NBN: variants seen among roughly 807,000 people sequenced by gnomAD.
The protein encoded by NBN is nibrin.
NBN carries 88 observed loss-of-function variants against 90.8 expected under a neutral mutation model. The ratio of observed to expected loss-of-function variants is 0.97; its 90% CI spans 0.82 to 1.16. The LOEUF is 1.16. NBN is among the 50% of genes most tolerant of loss of function. NBN has a pLI of 0.00. For missense variants in NBN, 894 were observed against 869.6 expected (o/e 1.03, Z -0.35); for synonymous variants, 328 against 295.1 (o/e 1.11, Z -1.14).
Position 89,970,456 on chromosome 8 carries a change from C to A in NBN, c.804G>T (p.Thr268=), listed in dbSNP as rs141443872. 2 of 1,613,884 alleles carry A rather than the reference C, an allele frequency of 1.2e-6. No homozygotes were observed. Among genetic ancestry groups the A allele is most frequent in the Non-Finnish European group, 1.7e-6 (2 of 1,179,924 alleles). The change falls in exon 7 of 16, where the codon ACG becomes ACT. Residue 268 remains threonine, a synonymous_variant. Coordinates refer to ENST00000265433, the MANE Select transcript of NBN (RefSeq NM_002485.5). ...TTGTTATTCCTGTATCAACAACACA[C>A]GTTCCCGGAGCCAAAAAGAAATTAT... The part of the protein sequence containing the change: ...EEHNFFLAPG[T]CVVDTGITNS...
chr8:89,945,022 C>T (rs1012621265), intron 13 of NBN, among the ~76,000 whole-genome samples: 2 of 152,328 alleles, frequency 1.3e-5, no homozygotes, highest in African/African-American at 4.8e-5. Flanking sequence ...TATTTTTAAA[C>T]ATTTTAAGTA....
chr8:89,964,917 C>T (rs538656649), intron 7 of NBN, among the ~76,000 whole-genome samples: 89 of 152,130 alleles, frequency 5.9e-4, no homozygotes, highest in African/African-American at 2.0e-3. Flanking sequence ...AGTTTGAGAC[C>T]AGCCTGGCCA....
At chr8:89,980,982 A>G (rs1805843) in intron 3 of NBN, 89 bp from the exon 4 acceptor site, 2 of 1,083,882 alleles carry the variant, frequency 1.8e-6, no homozygotes, top group South Asian at 1.3e-5. Context: ...AGCTCACATC[A>G]TATACTGTTA....
In NBN at chr8:89,984,317, C is replaced by G. The variant is rs746792804; in HGVS notation, c.37+208G>C. The G allele has an allele frequency of 9.5e-6, 6 of 631,690 alleles. No homozygotes were observed. In the Admixed American group the frequency reaches 1.0e-4, roughly 11 times the overall value. The allele number at this position is 631,690 out of a possible 1,614,324, so 39.1% of individuals were successfully genotyped here. A position where few individuals can be genotyped will look rare whatever the true frequency, so the allele number is the denominator to read the frequency against. The stretch of plus-strand genomic sequence containing the variant: ...TGCCACCAGGGGGCGCCGCAATCAC[C>G]CCACCGCCCGCGCTGAATTCCAGCT... On this transcript the variant is annotated intron_variant, in intron 1 of 15. Coordinates refer to ENST00000265433, the MANE Select transcript of NBN (RefSeq NM_002485.5).
chr8:89,955,627 T>A, intron 9 of NBN, 72 bp from the exon 10 acceptor site: 1 of 1,480,868 alleles, frequency 6.8e-7, no homozygotes, highest in Non-Finnish European at 9.2e-7. Context: ...ACAAAGATCG[T>A]TAAATAGTTC....
chr8:89,984,150 G>A, intron 1 of NBN: 1 of 392,368 alleles, frequency 2.5e-6, no homozygotes, highest in Non-Finnish European at 4.7e-6. Context: ...GCCCCCGTGT[G>A]GTCCGCCCAT....
intron 6 of NBN, 88 bp downstream of exon 6, chr8:89,971,085 A>T (rs1681959543): frequency 1.4e-6 from 2 of 1,409,214 alleles, no homozygotes; most frequent in Non-Finnish European, 2.0e-6. Flanking sequence ...CCCAAAATGA[A>T]ATACGTTAAC....
rs967004251 is a variant in NBN at position 89,957,799 on chromosome 8, C to T, written c.1124+926G>A. On this transcript the variant is annotated intron_variant, in intron 9 of 15. Coordinates refer to ENST00000265433, the MANE Select transcript of NBN (RefSeq NM_002485.5). ...TGTAGCCTAGGAGAAATAGTCTATACCAGCAGTTCCCATCCTTTTTGGCAA... is the reference window on the plus strand; with the variant it reads ...TGTAGCCTAGGAGAAATAGTCTATATCAGCAGTTCCCATCCTTTTTGGCAA... Among the ~76,000 whole-genome samples, 4 of 152,056 alleles carry T rather than the reference C, an allele frequency of 2.6e-5. No individual in the cohort carries two copies. In the East Asian group the frequency reaches 5.8e-4, roughly 22 times the overall value.
intron 11 of NBN, among the ~76,000 whole-genome samples, chr8:89,950,472 T>G (rs1810396950): frequency 6.6e-6 from 1 of 152,128 alleles, no homozygotes; most frequent in South Asian, 2.1e-4. Flanking sequence ...CCAAATACTT[T>G]CAATCACAGG....
At chr8:89,956,075 C>T (rs1805787) in intron 9 of NBN, among the ~76,000 whole-genome samples, 1 of 151,194 alleles carries the variant, frequency 6.6e-6, no homozygotes, top group East Asian at 1.9e-4. Context: ...GAGAATAGAA[C>T]AGAACTTTAG....
chr8:89,965,078 C>T (rs1414543343), intron 7 of NBN, among the ~76,000 whole-genome samples: 2 of 151,622 alleles, frequency 1.3e-5, no homozygotes, highest in Non-Finnish European at 2.9e-5. Flanking sequence ...CGCGCCACTG[C>T]ACTCCAGCCT....
At chr8:89,979,202 T>G (rs1324045515) in intron 4 of NBN, among the ~76,000 whole-genome samples, 1 of 151,866 alleles carries the variant, frequency 6.6e-6, no homozygotes. Flanking sequence ...TGGTCTCAAA[T>G]TCCTGGGCTC....
At position 89,981,445 on chromosome 8, in the gene NBN, G is replaced by T. The variant is rs1586108714; in HGVS notation, c.250C>A (p.Gln84Lys). The change falls in exon 3 of 16, where the codon CAG (glutamine) becomes AAG (lysine). Residue 84 changes from glutamine to lysine, a missense_variant. By Grantham distance (53) the Gln-to-Lys change is moderately conservative. Transcript: ENST00000265433. The stretch of plus-strand genomic sequence containing the variant: ...TTCAAAGTTCGGGAAAAGCCATTCT[G>T]CATTTTTTCCTCATTAACAAAGGTA... ...YGTFVNEEKM[Q>K]NGFSRTLKSG... 1.2e-6 allele frequency: 2 copies of T among 1,613,940 alleles called. No homozygotes were observed. The highest frequency in any genetic ancestry group is 4.5e-5 in the East Asian group (2 of 44,862).
chr8:89,978,084 C>T (rs1432904327), intron 5 of NBN, 136 bp downstream of exon 5: 1 of 755,372 alleles, frequency 1.3e-6, no homozygotes, highest in Non-Finnish European at 2.2e-6. Flanking sequence ...AACAAAAAAC[C>T]TTCCATTAAT....
chr8:89,940,095 A>C (rs1190983021), intron 14 of NBN, among the ~76,000 whole-genome samples: 1 of 151,754 alleles, frequency 6.6e-6, no homozygotes, highest in Non-Finnish European at 1.5e-5. Context: ...ATTTATTATT[A>C]TTATTTTTGA....
chr8:89,964,342 C>T (rs1036487950), intron 8 of NBN, 68 bp downstream of exon 8: 23 of 1,538,360 alleles, frequency 1.5e-5, no homozygotes, highest in East Asian at 4.5e-5. Flanking sequence ...ATATGAGTAA[C>T]GTATATTTAG....
intron 14 of NBN, among the ~76,000 whole-genome samples, chr8:89,942,940 T>C (rs1413056828): frequency 2.0e-5 from 3 of 152,304 alleles, no homozygotes; most frequent in Admixed American, 1.3e-4. Context: ...AGTGATATAT[T>C]TGTAATATCC....
At chr8:89,945,077 C>T (rs1810127562) in intron 13 of NBN, among the ~76,000 whole-genome samples, 1 of 152,182 alleles carries the variant, frequency 6.6e-6, no homozygotes, top group South Asian at 2.1e-4. Context: ...CATACTTCTT[C>T]AGTTGTTAAT....
chr8:89,943,955 G>T (rs1810070119), intron 13 of NBN, among the ~76,000 whole-genome samples: 1 of 152,124 alleles, frequency 6.6e-6, no homozygotes, highest in South Asian at 2.1e-4. Context: ...ATTGTTAATA[G>T]TAACAGTTCC....
Sources: allele counts gnomAD v4.1 joint callset (sites outside exome capture counted in the v4.1 genomes callset), GRCh38; gene constraint gnomAD v4.1.1; transcripts MANE v1.5; gene names NCBI Gene and HGNC (gene_info 2026-07-23, HGNC 2026-07-21).